BTBD9: variants seen among roughly 807,000 people sequenced by gnomAD.
BTBD9 encodes the protein BTB/POZ domain-containing protein 9.
In BTBD9, 49 loss-of-function variants were observed where a neutral mutation model predicts 64.3. That is an observed-to-expected ratio of 0.76 (90% CI 0.61 to 0.97). BTBD9 has a LOEUF of 0.97. BTBD9 is among the 50% of genes least tolerant of loss of function. The pLI, the probability that BTBD9 is intolerant of heterozygous loss-of-function variation, is 0.00. For missense variants in BTBD9, 598 were observed against 762.1 expected (o/e 0.78, Z 2.53); for synonymous variants, 260 against 274.7 (o/e 0.95, Z 0.53).
chr6:38,636,334 T>C (rs1333397177), intron 1 of BTBD9, among the ~76,000 whole-genome samples: 1 of 152,170 alleles, frequency 6.6e-6, no homozygotes. Context: ...TATATTACAA[T>C]TGTCCCTAAC....
chr6:38,218,709 G>A (rs1486532312), intron 9 of BTBD9, among the ~76,000 whole-genome samples: 3 of 152,184 alleles, frequency 2.0e-5, no homozygotes, highest in Non-Finnish European at 4.4e-5. Context: ...ACGGACAGAA[G>A]CTCACAAGAA....
At chr6:38,471,633 T>C (rs1223947124) in intron 6 of BTBD9, among the ~76,000 whole-genome samples, 3 of 152,032 alleles carry the variant, frequency 2.0e-5, no homozygotes, top group Non-Finnish European at 4.4e-5. Flanking sequence ...AGATCCTCCA[T>C]CTCAGCCTCC....
intron 6 of BTBD9, among the ~76,000 whole-genome samples, chr6:38,364,341 T>C (rs531080388): frequency 6.6e-6 from 1 of 152,326 alleles, no homozygotes; most frequent in East Asian, 1.9e-4. Flanking sequence ...ATGATTTCCA[T>C]TGCTTCCTCC....
chr6:38,190,814 T>C (rs892097219), intron 10 of BTBD9, among the ~76,000 whole-genome samples: 7 of 152,222 alleles, frequency 4.6e-5, no homozygotes, highest in Non-Finnish European at 1.0e-4. Context: ...CCTTGGTCAC[T>C]GAGGTAACAG....
chr6:38,351,149 G>A (rs1428410835), intron 6 of BTBD9, among the ~76,000 whole-genome samples: 1 of 152,204 alleles, frequency 6.6e-6, no homozygotes, highest in African/African-American at 2.4e-5. Flanking sequence ...CTTCCCTCTG[G>A]CTGGTCTGTG....
intron 8 of BTBD9, among the ~76,000 whole-genome samples, chr6:38,281,811 CTAT>C (rs1221418088): frequency 6.6e-6 from 1 of 152,118 alleles, no homozygotes; most frequent in Non-Finnish European, 1.5e-5. Context: ...ACCCTATTTA[CTAT>C]TATTTGTTAT....
intron 6 of BTBD9, among the ~76,000 whole-genome samples, chr6:38,369,215 C>T (rs1265169567): frequency 1.3e-5 from 2 of 152,202 alleles, no homozygotes; most frequent in Non-Finnish European, 2.9e-5. Flanking sequence ...ATACCTCTGC[C>T]TCTACTCTTG....
chr6:38,501,467 C>T (rs979632069), intron 6 of BTBD9, among the ~76,000 whole-genome samples: 2 of 152,240 alleles, frequency 1.3e-5, no homozygotes, highest in African/African-American at 4.8e-5. Flanking sequence ...ACATAGTAAA[C>T]ACTCAATACT....
chr6:38,291,020 A>G (rs879552675), intron 7 of BTBD9, among the ~76,000 whole-genome samples: 8 of 152,214 alleles, frequency 5.3e-5, no homozygotes, highest in Non-Finnish European at 1.0e-4. Flanking sequence ...TTTCTTTGCC[A>G]TTACAAACAA....
chr6:38,334,288 A>G (rs1763794049), intron 7 of BTBD9, among the ~76,000 whole-genome samples: 1 of 152,214 alleles, frequency 6.6e-6, no homozygotes, highest in African/African-American at 2.4e-5. Context: ...ACAGCTGGGC[A>G]TGGTGGCTCA....
intron 10 of BTBD9, among the ~76,000 whole-genome samples, chr6:38,189,405 T>C (rs1761954588): frequency 6.6e-6 from 1 of 152,246 alleles, no homozygotes; most frequent in Non-Finnish European, 1.5e-5. Flanking sequence ...TTTCAAATAA[T>C]GTCCCAGAAC....
In BTBD9 at chr6:38,302,420, C is replaced by G. The variant is rs527305996; in HGVS notation, c.1265-13959G>C. On this transcript the variant is annotated intron_variant, in intron 7 of 10. Transcript: ENST00000481247. ...TTCATTTAATTATCTCCAGGTTCTT[C>G]CATGTTGCTGCAAATGACAGCATTT... 1.7e-4 allele frequency among the ~76,000 whole-genome samples: 25 copies of G among 148,772 alleles called. No homozygotes were observed. In the South Asian group the frequency reaches 5.3e-3, roughly 32 times the overall value.
intron 5 of BTBD9, among the ~76,000 whole-genome samples, chr6:38,578,980 C>T (rs931084003): frequency 6.6e-6 from 1 of 152,098 alleles, no homozygotes; most frequent in Non-Finnish European, 1.5e-5. Flanking sequence ...GTGTCTACCA[C>T]ATAAAAGTAA....
intron 6 of BTBD9, among the ~76,000 whole-genome samples, chr6:38,454,534 A>T (rs1769708169): frequency 6.7e-6 from 1 of 149,856 alleles, no homozygotes; most frequent in Non-Finnish European, 1.5e-5. Context: ...GTGGTGGCTC[A>T]TGCTTGTAAT....
chr6:38,516,202 C>G (rs1455936975), intron 6 of BTBD9, among the ~76,000 whole-genome samples: 1 of 151,876 alleles, frequency 6.6e-6, no homozygotes, highest in Non-Finnish European at 1.5e-5. Flanking sequence ...ATCACCTTCA[C>G]TGGACTAGAA....
chr6:38,499,995 T>C (rs1377133237), intron 6 of BTBD9, among the ~76,000 whole-genome samples: 1 of 152,234 alleles, frequency 6.6e-6, no homozygotes, highest in Non-Finnish European at 1.5e-5. Context: ...TTTCTTAACT[T>C]GCAATAGTCA....
chr6:38,258,584 T>C (rs552025385), intron 8 of BTBD9, among the ~76,000 whole-genome samples: 86 of 152,334 alleles, frequency 5.6e-4, no homozygotes, highest in Non-Finnish European at 1.1e-3. Flanking sequence ...TGAGCAAATC[T>C]ATTCTTTGTA....
At chr6:38,304,920 C>T (rs564541510) in intron 7 of BTBD9, among the ~76,000 whole-genome samples, 1 of 152,176 alleles carries the variant, frequency 6.6e-6, no homozygotes, top group African/African-American at 2.4e-5. Context: ...ATCAGTACTA[C>T]AATCTGATCT....
intron 6 of BTBD9, among the ~76,000 whole-genome samples, chr6:38,503,497 T>C (rs1772310599): frequency 6.6e-6 from 1 of 152,138 alleles, no homozygotes; most frequent in Non-Finnish European, 1.5e-5. Context: ...AGTTACTATT[T>C]TTTTCTCTTA....
Sources: allele counts gnomAD v4.1 joint callset (sites outside exome capture counted in the v4.1 genomes callset), GRCh38; gene constraint gnomAD v4.1.1; transcripts MANE v1.5; gene names NCBI Gene and HGNC (gene_info 2026-07-23, HGNC 2026-07-21).